VPS53: variants seen among roughly 807,000 people sequenced by gnomAD.
The protein encoded by VPS53 is VPS53 subunit of GARP complex, also known as vacuolar protein sorting-associated protein 53 homolog.
A neutral mutation model predicts 107.0 loss-of-function variants in VPS53; 70 were observed. The observed-to-expected ratio is 0.65, with a 90% CI of 0.54 to 0.80. The LOEUF is 0.80. VPS53 is among the 30% of genes least tolerant of loss of function. The probability of loss-of-function intolerance (pLI) is 0.00; values close to 1 mark genes in which losing one functional copy is unlikely to be tolerated. For missense variants in VPS53, 917 were observed against 1,049.4 expected (o/e 0.87, Z 1.74); for synonymous variants, 409 against 393.3 (o/e 1.04, Z -0.47).
intron 12 of VPS53, among the ~76,000 whole-genome samples, chr17:601,429 C>T (rs781216074): frequency 4.9e-4 from 74 of 152,120 alleles, no homozygotes; most frequent in Admixed American, 1.0e-3. Context: ...GCTGGCTTCC[C>T]GGGGATTGTT....
At chr17:541,476 ATG>A in intron 17 of VPS53, among the ~76,000 whole-genome samples, 1 of 150,166 alleles carries the variant, frequency 6.7e-6, no homozygotes, top group African/African-American at 2.5e-5. Context: ...AGCACCTACC[ATG>A]CACCAGGGGC....
intron 7 of VPS53, among the ~76,000 whole-genome samples, chr17:640,064 G>T (rs979231125): frequency 2.6e-5 from 4 of 152,188 alleles, no homozygotes; most frequent in Admixed American, 6.5e-5. Flanking sequence ...CCAGCTTCCT[G>T]GCCACTTTGT....
At chr17:707,759 G>A (rs796525527) in intron 2 of VPS53, among the ~76,000 whole-genome samples, 10 of 151,410 alleles carry the variant, frequency 6.6e-5, no homozygotes, top group African/African-American at 2.4e-4. Context: ...GGCCGATGTA[G>A]TGGGAGCGCT....
At chr17:678,890 C>T (rs764918750) in intron 4 of VPS53, among the ~76,000 whole-genome samples, 3 of 151,162 alleles carry the variant, frequency 2.0e-5, no homozygotes, top group Non-Finnish European at 2.9e-5. Context: ...CTGCCCGCCT[C>T]GGCCTCCCAA....
chr17:597,171 T>C (rs535572719), intron 12 of VPS53, among the ~76,000 whole-genome samples: 1 of 152,270 alleles, frequency 6.6e-6, no homozygotes, highest in African/African-American at 2.4e-5. Context: ...CAGCGAGGCG[T>C]AAACTGCAGT....
chr17:653,266 T>A (rs1567710750), intron 7 of VPS53, 25 bp downstream of exon 7: 1 of 1,611,218 alleles, frequency 6.2e-7, no homozygotes, highest in East Asian at 2.2e-5. Flanking sequence ...AATCCCCATA[T>A]ACTTTCCCTC....
At chr17:576,421 A>C (rs1194469245) in intron 13 of VPS53, among the ~76,000 whole-genome samples, 1 of 150,902 alleles carries the variant, frequency 6.6e-6, no homozygotes, top group East Asian at 2.0e-4. Flanking sequence ...CCTCCCTCAG[A>C]ACCTCAATGC....
At chr17:711,580 A>T (rs1429247291) in intron 1 of VPS53, among the ~76,000 whole-genome samples, 1 of 152,218 alleles carries the variant, frequency 6.6e-6, no homozygotes, top group Non-Finnish European at 1.5e-5. Flanking sequence ...GAGGGAAAGT[A>T]TAACCCACAG....
At chr17:656,648 A>T (rs448465) in intron 5 of VPS53, 215,890 of 535,922 alleles carry the variant, frequency 0.4, 48,594 homozygotes, top group Non-Finnish European at 0.47. Context: ...CAACTTTACT[A>T]ACACCCAGGT....
At chr17:587,189 A>C (rs898971780) in intron 12 of VPS53, among the ~76,000 whole-genome samples, 13 of 152,086 alleles carry the variant, frequency 8.5e-5, no homozygotes, top group African/African-American at 2.9e-4. Context: ...CAGCCTCCTA[A>C]GTAGCTGGGA....
intron 19 of VPS53, 163 bp downstream of exon 19, chr17:532,679 T>C: frequency 7.1e-7 from 1 of 1,410,904 alleles, no homozygotes; most frequent in Non-Finnish European, 9.3e-7. Context: ...TAAAAATAAA[T>C]GGAAGAACGA....
At chr17:644,906 C>T (rs926225859) in intron 7 of VPS53, among the ~76,000 whole-genome samples, 6 of 152,178 alleles carry the variant, frequency 3.9e-5, no homozygotes, top group Non-Finnish European at 8.8e-5. Context: ...CTTAATAGCA[C>T]ATATTCTGTA....
intron 13 of VPS53, among the ~76,000 whole-genome samples, chr17:567,757 T>G (rs941359157): frequency 1.3e-5 from 2 of 151,932 alleles, no homozygotes; most frequent in Non-Finnish European, 2.9e-5. Context: ...GGCATGGTGG[T>G]GTGTGCTTGT....
At chr17:635,859 A>C (rs1970177695) in intron 7 of VPS53, among the ~76,000 whole-genome samples, 1 of 152,216 alleles carries the variant, frequency 6.6e-6, no homozygotes, top group Admixed American at 6.5e-5. Context: ...CTTTTGGCTT[A>C]AGATTGTCTT....
intron 11 of VPS53, among the ~76,000 whole-genome samples, chr17:622,014 C>T (rs1333296168): frequency 6.6e-6 from 1 of 152,196 alleles, no homozygotes; most frequent in South Asian, 2.1e-4. Flanking sequence ...GAGTTTGAGA[C>T]CAGCCTGGTC....
chr17:671,265 G>T (rs2143699659), intron 4 of VPS53, among the ~76,000 whole-genome samples: 1 of 150,874 alleles, frequency 6.6e-6, no homozygotes, highest in Middle Eastern at 3.4e-3. Context: ...AAGGAAAAGG[G>T]AAGGGAAGGG....
chr17:707,844 C>CAAAA (rs10708313), intron 2 of VPS53, among the ~76,000 whole-genome samples: 2 of 126,998 alleles, frequency 1.6e-5, no homozygotes, highest in African/African-American at 3.0e-5. Context: ...AACTCTCTTT[C>CAAAA]AAAAAAAAAA....
chr17:534,511 G>A (rs895125658), intron 18 of VPS53, among the ~76,000 whole-genome samples: 10 of 152,168 alleles, frequency 6.6e-5, no homozygotes, highest in African/African-American at 2.2e-4. Context: ...GGGGCTATTT[G>A]GAAGGAATTC....
intron 6 of VPS53, among the ~76,000 whole-genome samples, chr17:654,241 C>G (rs1971083257): frequency 6.6e-6 from 1 of 152,054 alleles, no homozygotes; most frequent in Admixed American, 6.6e-5. Flanking sequence ...TACCTATTAA[C>G]TGAAATCTGT....
Sources: allele counts gnomAD v4.1 joint callset (sites outside exome capture counted in the v4.1 genomes callset), GRCh38; gene constraint gnomAD v4.1.1; transcripts MANE v1.5; gene names NCBI Gene and HGNC (gene_info 2026-07-23, HGNC 2026-07-21).